Variants in CACHD1 observed in about 807,000 individuals in gnomAD.
CACHD1 encodes the protein cache domain containing 1.
CACHD1 carries 71 observed loss-of-function variants against 138.7 expected under a neutral mutation model. The ratio of observed to expected loss-of-function variants is 0.51; its 90% CI spans 0.42 to 0.62. CACHD1 has a LOEUF of 0.62. CACHD1 is among the 20% of genes least tolerant of loss of function. The probability of loss-of-function intolerance (pLI) is 0.00; values close to 1 mark genes in which losing one functional copy is unlikely to be tolerated. For missense variants in CACHD1, 1,389 were observed against 1,625.3 expected (o/e 0.85, Z 2.50); for synonymous variants, 578 against 591.5 (o/e 0.98, Z 0.33).
At chr1:64,520,825 C>T (rs1304915355) in intron 1 of CACHD1, among the ~76,000 whole-genome samples, 4 of 152,200 alleles carry the variant, frequency 2.6e-5, no homozygotes, top group African/African-American at 9.7e-5. Flanking sequence ...TCTCTACTCC[C>T]CCTCTAATCA....
chr1:64,636,235 G>A (rs1648523041), intron 7 of CACHD1, among the ~76,000 whole-genome samples: 1 of 152,120 alleles, frequency 6.6e-6, no homozygotes, highest in South Asian at 2.1e-4. Flanking sequence ...ACTAAGCACT[G>A]ATTAATGCAA....
chr1:64,595,494 T>A (rs893282165), intron 3 of CACHD1, among the ~76,000 whole-genome samples: 1 of 152,024 alleles, frequency 6.6e-6, no homozygotes, highest in Non-Finnish European at 1.5e-5. Context: ...TGGACAGGGG[T>A]GCTATGGAAC....
At chr1:64,570,914 T>C (rs751287882) in intron 2 of CACHD1, among the ~76,000 whole-genome samples, 10 of 151,980 alleles carry the variant, frequency 6.6e-5, no homozygotes, top group Admixed American at 2.0e-4. Flanking sequence ...AAATTTTTTT[T>C]CCCAATGATA....
chr1:64,523,368 A>T (rs1382612673), intron 1 of CACHD1, among the ~76,000 whole-genome samples: 1 of 151,554 alleles, frequency 6.6e-6, no homozygotes, highest in African/African-American at 2.4e-5. Context: ...TTAAAAAATA[A>T]GTTTTCTAGG....
At chr1:64,561,771 T>C (rs141730462) in intron 2 of CACHD1, among the ~76,000 whole-genome samples, 2,108 of 150,962 alleles carry the variant, frequency 0.014, 46 homozygotes, top group African/African-American at 0.049. Context: ...GGTGGGACGA[T>C]TGGTTGAGCC....
intron 1 of CACHD1, among the ~76,000 whole-genome samples, chr1:64,493,819 G>A (rs894565998): frequency 6.6e-6 from 1 of 152,170 alleles, no homozygotes; most frequent in Non-Finnish European, 1.5e-5. Flanking sequence ...CTGATTTAGC[G>A]AGCTCGTGGT....
chr1:64,600,341 A>C (rs1647200419), intron 3 of CACHD1, among the ~76,000 whole-genome samples: 1 of 152,204 alleles, frequency 6.6e-6, no homozygotes, highest in Non-Finnish European at 1.5e-5. Flanking sequence ...TGTGCAAATC[A>C]GATTCCTTGG....
intron 7 of CACHD1, among the ~76,000 whole-genome samples, chr1:64,635,533 G>C (rs1359835643): frequency 1.3e-5 from 2 of 151,410 alleles, no homozygotes; most frequent in South Asian, 2.1e-4. Context: ...ACAGGCATGT[G>C]CCACCATGCC....
chr1:64,550,539 CAT>C, intron 1 of CACHD1, 53 bp from the exon 2 acceptor site: 2 of 1,231,642 alleles, frequency 1.6e-6, no homozygotes, highest in Non-Finnish European at 2.4e-6. Flanking sequence ...CATACACACT[CAT>C]GTAGAAAATG....
At chr1:64,677,724 G>A (rs1464384907) in intron 22 of CACHD1, among the ~76,000 whole-genome samples, 1 of 152,144 alleles carries the variant, frequency 6.6e-6, no homozygotes, top group Non-Finnish European at 1.5e-5. Flanking sequence ...TACACTAAAG[G>A]CTCTGAGAAA....
At chr1:64,595,324 T>C (rs1647140961) in intron 3 of CACHD1, among the ~76,000 whole-genome samples, 1 of 152,194 alleles carries the variant, frequency 6.6e-6, no homozygotes, top group Admixed American at 6.5e-5. Flanking sequence ...AGACATTGAC[T>C]AAACTTTTGC....
At position 64,508,570 on chromosome 1, in the gene CACHD1, A is replaced by G. The variant is rs1385715972; in HGVS notation, c.198+37628A>G. Among the ~76,000 whole-genome samples the G allele has an allele frequency of 2.6e-5, 4 of 152,236 alleles. No individual in the cohort carries two copies. In the East Asian group the frequency reaches 5.8e-4, roughly 22 times the overall value. ...CTACCTTAAATGAAATGGACCTGCC[A>G]GGCAAAGCACATATGAGTTGGGTCT... On this transcript the variant is annotated intron_variant, in intron 1 of 26. Transcript: ENST00000651257.
intron 1 of CACHD1, among the ~76,000 whole-genome samples, chr1:64,490,161 T>C (rs1570300248): frequency 1.3e-5 from 2 of 152,244 alleles, no homozygotes; most frequent in African/African-American, 4.8e-5. Flanking sequence ...TATTTTTGTC[T>C]GTCACTAAGC....
At chr1:64,672,021 T>C in intron 17 of CACHD1, among the ~76,000 whole-genome samples, 1 of 152,162 alleles carries the variant, frequency 6.6e-6, no homozygotes, top group Non-Finnish European at 1.5e-5. Context: ...GGTAGGACTT[T>C]TGATGTTAAC....
At chr1:64,566,489 C>CCCCG (rs1491117903) in intron 2 of CACHD1, among the ~76,000 whole-genome samples, 10 of 143,196 alleles carry the variant, frequency 7.0e-5, no homozygotes, top group South Asian at 4.8e-4. Flanking sequence ...TCCCCCCCCC[C>CCCCG]CACAAGGTAT....
chr1:64,530,412 G>C (rs914005641), intron 1 of CACHD1, among the ~76,000 whole-genome samples: 1 of 152,088 alleles, frequency 6.6e-6, no homozygotes. Context: ...AAATCTTTGT[G>C]TACACATCTG....
At chr1:64,631,868 G>A (rs917348862) in intron 5 of CACHD1, among the ~76,000 whole-genome samples, 4 of 152,058 alleles carry the variant, frequency 2.6e-5, no homozygotes, top group African/African-American at 9.7e-5. Flanking sequence ...TCAGATAAGG[G>A]GCCTTTTGGT....
intron 2 of CACHD1, among the ~76,000 whole-genome samples, chr1:64,571,171 T>C (rs1258107569): frequency 6.6e-6 from 1 of 152,220 alleles, no homozygotes; most frequent in African/African-American, 2.4e-5. Context: ...GTAATGTGGA[T>C]ACTCAAGGCC....
intron 1 of CACHD1, among the ~76,000 whole-genome samples, chr1:64,477,531 G>T (rs1206199500): frequency 2.6e-5 from 4 of 151,178 alleles, no homozygotes; most frequent in African/African-American, 9.7e-5. Flanking sequence ...GTTATTAATT[G>T]ATGGTCAGGC....
Sources: gnomAD v4.1 joint callset for allele counts (sites outside exome capture counted in the v4.1 genomes callset) on GRCh38, gnomAD v4.1.1 for gene constraint, MANE v1.5 for transcripts, NCBI Gene and HGNC (gene_info 2026-07-23, HGNC 2026-07-21) for gene names.